The following FRY variants were observed in gnomAD, a reference collection of about 807,000 sequenced individuals.
The protein encoded by FRY is protein furry homolog.
FRY carries 128 observed loss-of-function variants against 348.4 expected under a neutral mutation model. The observed-to-expected ratio is 0.37, with a 90% confidence interval of 0.32 to 0.43. The LOEUF (loss-of-function observed/expected upper bound fraction) is 0.43, where lower values mean the gene tolerates loss of function less well. FRY is among the 20% of genes least tolerant of loss of function. The pLI is 1.00. For synonymous variants in FRY, 1,370 were observed against 1,374.7 expected (o/e 1.00, Z 0.08); for missense variants, 2,736 against 3,695.2 (o/e 0.74, Z 6.73).
intron 8 of FRY, among the ~76,000 whole-genome samples, chr13:32,133,666 T>C (rs1034513394): frequency 6.6e-6 from 1 of 151,986 alleles, no homozygotes; most frequent in African/African-American, 2.4e-5. Context: ...TTTTTGGCAA[T>C]CTTCCCAATG....
chr13:32,041,547 C>G lies in FRY; in HGVS notation c.70+9682C>G, dbSNP rs185776520. Among the ~76,000 whole-genome samples, 100 of 152,170 alleles carry G rather than the reference C, an allele frequency of 6.6e-4. 1 individual carries two copies. The highest frequency in any genetic ancestry group is 1.3e-4 in the Non-Finnish European group (9 of 67,996). On this transcript the variant is annotated intron_variant, in intron 1 of 60. Coordinates refer to ENST00000542859, the MANE Select transcript of FRY (RefSeq NM_023037.3). Reference sequence around the variant, plus strand: ...GACCTCAAGGGATTACAGGCATGAGCCACTGTGCCCAGCCAGTCATCTACT... The same window carrying G: ...GACCTCAAGGGATTACAGGCATGAGGCACTGTGCCCAGCCAGTCATCTACT...
At chr13:32,148,809 A>G (rs1003322622) in intron 13 of FRY, among the ~76,000 whole-genome samples, 18 of 152,214 alleles carry the variant, frequency 1.2e-4, no homozygotes, top group African/African-American at 4.1e-4. Context: ...TTCAGTTGCT[A>G]CTTCACAGAT....
At chr13:32,056,923 A>G (rs944317285) in intron 1 of FRY, among the ~76,000 whole-genome samples, 3 of 152,136 alleles carry the variant, frequency 2.0e-5, no homozygotes, top group African/African-American at 7.2e-5. Flanking sequence ...GGTTTATAAG[A>G]CCAATTATGA....
intron 3 of FRY, among the ~76,000 whole-genome samples, chr13:32,106,585 A>T (rs1051608067): frequency 9.2e-5 from 14 of 152,252 alleles, no homozygotes; most frequent in Non-Finnish European, 1.8e-4. Flanking sequence ...GGCAGCCAGA[A>T]GGAGAAATGG....
chr13:32,164,278 GTGAGACCTGTTATTTC>G (rs1881607675), intron 17 of FRY, among the ~76,000 whole-genome samples: 1 of 152,212 alleles, frequency 6.6e-6, no homozygotes, highest in African/African-American at 2.4e-5. Flanking sequence ...TCAGAGAGGA[GTGAGACCTGTTATTTC>G]TGACACTTCA....
rs1389422325 is a variant in FRY, at chr13:32,147,278, A to G, written c.1180-4A>G. 10 of 1,565,650 alleles carry G rather than the reference A, an allele frequency of 6.4e-6. No homozygotes were observed. The highest frequency in any genetic ancestry group is 8.8e-6 in the Non-Finnish European group (10 of 1,136,080). On this transcript the variant is annotated splice_polypyrimidine_tract_variant and splice_region_variant and intron_variant, in intron 11 of 60. Transcript: ENST00000542859. The stretch of plus-strand genomic sequence containing the variant: ...GCAGTCTTACATCTTGGTTTCTGTT[A>G]TAGAACAAAGATCCCAAGATGGCTC...
At position 32,267,375 on chromosome 13, in the gene FRY, G is replaced by C; in HGVS notation, c.8136+16G>C. 1 of 1,608,530 alleles carries C rather than the reference G, an allele frequency of 6.2e-7. No homozygotes were observed. Among genetic ancestry groups the C allele is most frequent in the Non-Finnish European group, 8.5e-7 (1 of 1,175,342 alleles). Reference sequence around the variant, plus strand: ...CTTGTTTAAGGTATGTGTGCTCACTGAAAGTGCAGAGGACTTAGTTTCTAA... The same window carrying C: ...CTTGTTTAAGGTATGTGTGCTCACTCAAAGTGCAGAGGACTTAGTTTCTAA... On this transcript the variant is annotated intron_variant, in intron 55 of 60. Transcript: ENST00000542859.
At chr13:32,033,119 C>T (rs549201092) in intron 1 of FRY, among the ~76,000 whole-genome samples, 14 of 152,194 alleles carry the variant, frequency 9.2e-5, no homozygotes, top group Non-Finnish European at 1.9e-4. Context: ...AGCTGTTTTT[C>T]TACAAGTGGG....
At chr13:32,066,467 A>G (rs1217226869) in intron 1 of FRY, among the ~76,000 whole-genome samples, 1 of 152,230 alleles carries the variant, frequency 6.6e-6, no homozygotes, top group Non-Finnish European at 1.5e-5. Context: ...TTCAGTGTGT[A>G]GGTACAAGAA....
At chr13:32,178,065 C>A in intron 20 of FRY, 112 bp from the exon 21 acceptor site, 2 of 1,090,244 alleles carry the variant, frequency 1.8e-6, no homozygotes, top group Non-Finnish European at 2.8e-6. Flanking sequence ...CAAAGCCAGC[C>A]CAGTGCACTC....
intron 2 of FRY, among the ~76,000 whole-genome samples, chr13:32,082,071 C>T (rs1231895443): frequency 6.6e-6 from 1 of 152,006 alleles, no homozygotes; most frequent in Non-Finnish European, 1.5e-5. Flanking sequence ...ATTTGGGGGA[C>T]TACTCAGGAA....
chr13:32,149,205 A>G (rs1593669154), intron 13 of FRY, among the ~76,000 whole-genome samples: 1 of 149,178 alleles, frequency 6.7e-6, no homozygotes. Flanking sequence ...CTGGCATATT[A>G]TACCTGTTAT....
chr13:32,104,896 C>T (rs1224980127), intron 3 of FRY, among the ~76,000 whole-genome samples: 1 of 152,202 alleles, frequency 6.6e-6, no homozygotes, highest in Non-Finnish European at 1.5e-5. Flanking sequence ...GCTCCTCATT[C>T]ACCCCTGTGC....
intron 46 of FRY, among the ~76,000 whole-genome samples, chr13:32,242,431 T>C (rs1886561991): frequency 6.6e-6 from 1 of 152,236 alleles, no homozygotes; most frequent in African/African-American, 2.4e-5. Context: ...AATTTAACAC[T>C]TTTTATTAAT....
chr13:32,235,309 C>T (rs972280144), intron 42 of FRY, among the ~76,000 whole-genome samples: 6 of 152,182 alleles, frequency 3.9e-5, no homozygotes, highest in African/African-American at 4.8e-5. Context: ...TCTCTGGCTC[C>T]GGCCAAGTCC....
chr13:32,092,310 G>A (rs1305562810), intron 2 of FRY, among the ~76,000 whole-genome samples: 4 of 152,156 alleles, frequency 2.6e-5, no homozygotes, highest in African/African-American at 4.8e-5. Context: ...AATAAAACAC[G>A]TCTTGATATA....
intron 46 of FRY, among the ~76,000 whole-genome samples, chr13:32,242,573 C>T (rs1473473478): frequency 1.3e-5 from 2 of 152,068 alleles, no homozygotes; most frequent in African/African-American, 4.8e-5. Flanking sequence ...TTGCTCTTGT[C>T]ACCTAGGCTG....
intron 1 of FRY, among the ~76,000 whole-genome samples, chr13:32,075,042 C>T (rs1192663454): frequency 6.6e-6 from 1 of 152,196 alleles, no homozygotes; most frequent in East Asian, 1.9e-4. Flanking sequence ...AAAATGGTGC[C>T]TCAGTGTGGC....
In FRY at chr13:32,173,484, C is replaced by A; in HGVS notation, c.2269C>A (p.Arg757Ser). 1 of 1,613,442 alleles carries A rather than the reference C, an allele frequency of 6.2e-7. No homozygotes were observed. The highest frequency in any genetic ancestry group is 8.5e-7 in the Non-Finnish European group (1 of 1,179,774). Reference sequence around the variant, plus strand: ...ACTCTGCAGTTTCCAGGTGGCCACACGCAAACTGTCCGTTTTAATACTCAA... The same window carrying A: ...ACTCTGCAGTTTCCAGGTGGCCACAAGCAAACTGTCCGTTTTAATACTCAA... The part of the protein sequence containing the change: ...VLLCSFQVAT[R>S]KLSVLILKEI... The change falls in exon 19 of 61, where the codon CGC becomes AGC. Residue 757 changes from arginine to serine, a missense_variant. Arg to Ser is a moderately radical substitution (Grantham distance 110, BLOSUM62 -1). This residue lies in a region of FRY where 449 missense variants were observed against 576.9 expected (regional missense o/e 0.78). Transcript: ENST00000542859.
Sources: allele counts gnomAD v4.1 joint callset (sites outside exome capture counted in the v4.1 genomes callset), GRCh38; gene constraint gnomAD v4.1.1; regional missense constraint gnomAD v4.1.1; transcripts MANE v1.5; gene names NCBI Gene and HGNC (gene_info 2026-07-23, HGNC 2026-07-21).